COL28A1: variants seen among roughly 807,000 people sequenced by gnomAD.
COL28A1 encodes the protein collagen alpha-1(XXVIII) chain.
A neutral mutation model predicts 150.2 loss-of-function variants in COL28A1; 161 were observed. The ratio of observed to expected loss-of-function variants is 1.07; its 90% CI spans 0.94 to 1.22. The LOEUF is 1.22. Among genes scored for constraint, COL28A1 ranks in the 50% most tolerant of loss-of-function variants. COL28A1 has a pLI of 0.00. For missense variants in COL28A1, 1,617 were observed against 1,388.3 expected (o/e 1.16, Z -2.62); for synonymous variants, 552 against 469.7 (o/e 1.18, Z -2.26).
chr7:7,542,924 T>A, the COL28A1 span, among the ~76,000 whole-genome samples: 36 of 152,172 alleles, frequency 2.4e-4, 1 homozygote, highest in African/African-American at 7.7e-4. Flanking sequence ...CTAATTGGCC[T>A]AGGAAAGTGG....
intron 16 of COL28A1, among the ~76,000 whole-genome samples, chr7:7,454,013 C>A (rs1236093201): frequency 6.6e-6 from 1 of 152,154 alleles, no homozygotes; most frequent in Non-Finnish European, 1.5e-5. Context: ...AGATACCAAA[C>A]TGAAGAAGGT....
rs1405016848 is a variant in COL28A1 at position 7,439,907 on chromosome 7, G to A, written c.1722+883C>T. 2.0e-5 allele frequency among the ~76,000 whole-genome samples: 3 copies of A among 152,310 alleles called. No homozygotes were observed. The East Asian group carries it at 5.8e-4, about 29-fold the overall frequency. On this transcript the variant is annotated intron_variant, in intron 21 of 34. Transcript: ENST00000399429. ...ACACTGAAGTTTAAGAGTCACTGGT[G>A]TACAGGTGATGTTTTGTATCTGATG...
chr7:7,409,749 T>C (rs1420910038), intron 27 of COL28A1, among the ~76,000 whole-genome samples: 1 of 152,192 alleles, frequency 6.6e-6, no homozygotes, highest in Admixed American at 6.5e-5. Context: ...TTCAAAAACG[T>C]GATTTCAAAA....
At chr7:7,443,986 GTTTTTTT>G (rs71010980) in intron 19 of COL28A1, among the ~76,000 whole-genome samples, 1 of 95,546 alleles carries the variant, frequency 1.0e-5, no homozygotes, top group South Asian at 3.6e-4. Flanking sequence ...TCCATCTGCT[GTTTTTTT>G]TTTTTTTTTT....
intron 1 of COL28A1, among the ~76,000 whole-genome samples, chr7:7,534,652 A>G (rs1782547851): frequency 6.6e-6 from 1 of 152,162 alleles, no homozygotes; most frequent in South Asian, 2.1e-4. Flanking sequence ...CCTTCATGTA[A>G]GGTTTTAGAA....
At chr7:7,466,411 G>C (rs1341391754) in intron 15 of COL28A1, among the ~76,000 whole-genome samples, 1 of 137,448 alleles carries the variant, frequency 7.3e-6, no homozygotes, top group African/African-American at 2.8e-5. Flanking sequence ...AGAGAAAAAA[G>C]AATAAAAAGA....
In COL28A1 at chr7:7,532,849, A is replaced by G; in HGVS notation, c.27T>C (p.Tyr9=). ...TCGTAAACGCTGACAAAAGCAGGAG[A>G]TAGAAGACAAAATATCTGTTCCACA... MWNRYFVF[Y]LLLLSAFTSQ... is the part of the protein sequence containing the mutation. The change falls in exon 2 of 35, where the codon TAT becomes TAC. Residue 9 remains tyrosine, a synonymous_variant. Coordinates refer to ENST00000399429, the MANE Select transcript of COL28A1 (RefSeq NM_001037763.3). 6.2e-7 allele frequency: 1 copy of G among 1,611,450 alleles called. No individual in the cohort carries two copies. The highest frequency in any genetic ancestry group is 8.5e-7 in the Non-Finnish European group (1 of 1,179,008).
chr7:7,499,697 G>C (rs371858328), intron 11 of COL28A1, among the ~76,000 whole-genome samples: 28 of 152,220 alleles, frequency 1.8e-4, no homozygotes, highest in African/African-American at 6.5e-4. Flanking sequence ...CAAGATGCTT[G>C]TTTGAGGAGA....
At chr7:7,369,854 A>G (rs906557664) in intron 33 of COL28A1, among the ~76,000 whole-genome samples, 1 of 152,152 alleles carries the variant, frequency 6.6e-6, no homozygotes, top group Non-Finnish European at 1.5e-5. Flanking sequence ...AAGGCTTCAG[A>G]AAAGGGCAAT....
intron 15 of COL28A1, among the ~76,000 whole-genome samples, chr7:7,458,781 G>A (rs1418224853): frequency 6.6e-6 from 1 of 152,188 alleles, no homozygotes; most frequent in Non-Finnish European, 1.5e-5. Flanking sequence ...TCACGCAACT[G>A]TTAGACGGCA....
chr7:7,407,069 G>A (rs1783529783), intron 27 of COL28A1, among the ~76,000 whole-genome samples: 1 of 151,866 alleles, frequency 6.6e-6, no homozygotes, highest in Non-Finnish European at 1.5e-5. Context: ...TGACAGATTT[G>A]ATACAGCTGA....
chr7:7,422,018 C>G (rs73674551), intron 25 of COL28A1, among the ~76,000 whole-genome samples: 1 of 152,268 alleles, frequency 6.6e-6, no homozygotes, highest in South Asian at 2.1e-4. Context: ...ATTAGCACTC[C>G]TTTCTTGAGT....
intron 27 of COL28A1, among the ~76,000 whole-genome samples, chr7:7,382,037 C>T (rs142687007): frequency 1.2e-3 from 189 of 152,092 alleles, no homozygotes; most frequent in East Asian, 8.3e-3. Context: ...TGGCTGGGCA[C>T]GGTGGCTCAT....
chr7:7,375,656 T>C (rs1781501071), intron 30 of COL28A1, among the ~76,000 whole-genome samples, 159 bp from the exon 31 acceptor site: 1 of 152,194 alleles, frequency 6.6e-6, no homozygotes, highest in Non-Finnish European at 1.5e-5. Flanking sequence ...AAGCTGACTA[T>C]AATAGACCAT....
At chr7:7,490,841 C>G (rs540752497) in intron 11 of COL28A1, among the ~76,000 whole-genome samples, 195 bp from the exon 12 acceptor site, 2 of 152,262 alleles carry the variant, frequency 1.3e-5, no homozygotes, top group African/African-American at 2.4e-5. Context: ...CCACTAGGCA[C>G]AGTAGTCACA....
chr7:7,535,910 T>C (rs1461517766), upstream of COL28A1: 1 of 152,204 alleles, frequency 6.6e-6, no homozygotes, highest in Non-Finnish European at 1.5e-5. Context: ...TTCATGTTTA[T>C]TCGACTAAGT....
In COL28A1 at chr7:7,380,680, T is replaced by G. The variant is rs1781823462; in HGVS notation, c.2302A>C (p.Lys768Gln). 1.2e-6 allele frequency: 2 copies of G among 1,613,726 alleles called. No homozygotes were observed. The highest frequency in any genetic ancestry group is 1.7e-6 in the Non-Finnish European group (2 of 1,179,732). The change falls in exon 30 of 35, where the codon AAA (lysine) becomes CAA (glutamine). Residue 768 changes from lysine (K) to glutamine (Q), a missense_variant. By Grantham distance (53) the Lys-to-Gln change is moderately conservative. Coordinates refer to ENST00000399429, the MANE Select transcript of COL28A1 (RefSeq NM_001037763.3). ...CTCACTGTAAGTCCTAGGTCTCCTT[T>G]GGGTCCTTGTAAACCCTACTTAGTG... ...SPGKQGLQGP[K>Q]GDLGLTKEEI...
At chr7:7,427,282 C>T (rs557027312) in intron 25 of COL28A1, among the ~76,000 whole-genome samples, 110 of 152,234 alleles carry the variant, frequency 7.2e-4, no homozygotes, top group Middle Eastern at 3.4e-3. Flanking sequence ...AGGGTCTAAA[C>T]TTTGTATGGC....
chr7:7,402,224 T>C (rs996681224), intron 27 of COL28A1, among the ~76,000 whole-genome samples: 4 of 152,216 alleles, frequency 2.6e-5, no homozygotes, highest in African/African-American at 9.6e-5. Flanking sequence ...AATTTCATCA[T>C]TTGAACATCA....
Sources: allele counts gnomAD v4.1 joint callset (sites outside exome capture counted in the v4.1 genomes callset), GRCh38; gene constraint gnomAD v4.1.1; transcripts MANE v1.5; gene names NCBI Gene and HGNC (gene_info 2026-07-23, HGNC 2026-07-21).